PACRG: variants seen among roughly 807,000 people sequenced by gnomAD.
PACRG encodes parkin coregulated, also known as parkin coregulated gene protein.
Under a neutral mutation model 29.7 loss-of-function variants are expected in PACRG, and 29 were observed. The observed-to-expected ratio is 0.98, with a 90% CI of 0.73 to 1.33. PACRG has a LOEUF of 1.33. PACRG is among the 40% of genes most tolerant of loss of function. PACRG has a pLI of 0.00. For synonymous variants in PACRG, 116 were observed against 118.7 expected (o/e 0.98, Z 0.15); for missense variants, 279 against 316.2 (o/e 0.88, Z 0.89).
chr6:162,966,929 T>C (rs1295013646), intron 2 of PACRG, among the ~76,000 whole-genome samples: 2 of 152,180 alleles, frequency 1.3e-5, no homozygotes, highest in Non-Finnish European at 2.9e-5. Context: ...GAAATTTGTG[T>C]AATTACATCA....
intron 2 of PACRG, among the ~76,000 whole-genome samples, chr6:162,955,118 C>G (rs753652635): frequency 4.6e-5 from 7 of 151,902 alleles, no homozygotes; most frequent in African/African-American, 7.3e-5. Flanking sequence ...CTCACACTTA[C>G]AAGAAGGGAA....
chr6:162,804,048 CAT>C (rs1490761032), intron 1 of PACRG, among the ~76,000 whole-genome samples: 9 of 151,946 alleles, frequency 5.9e-5, no homozygotes, highest in African/African-American at 2.2e-4. Context: ...AACATCGAAA[CAT>C]ATTAAACTAA....
intron 2 of PACRG, among the ~76,000 whole-genome samples, chr6:162,825,565 C>T (rs1422044163): frequency 6.6e-6 from 1 of 152,118 alleles, no homozygotes; most frequent in East Asian, 1.9e-4. Flanking sequence ...ATATTTGTTT[C>T]TTAAAAAGAT....
chr6:163,051,060 A>G (rs1234965455), intron 2 of PACRG, among the ~76,000 whole-genome samples: 4 of 152,258 alleles, frequency 2.6e-5, no homozygotes, highest in African/African-American at 9.6e-5. Context: ...CTCTGCATTC[A>G]TCTTCCAGCT....
At chr6:163,260,368 C>CA (rs1314397815) in intron 4 of PACRG, among the ~76,000 whole-genome samples, 1 of 152,212 alleles carries the variant, frequency 6.6e-6, no homozygotes, top group African/African-American at 2.4e-5. Flanking sequence ...AGCCCATACA[C>CA]AAAGAACAAA....
At chr6:163,047,571 T>C (rs1400076751) in intron 2 of PACRG, among the ~76,000 whole-genome samples, 1 of 152,198 alleles carries the variant, frequency 6.6e-6, no homozygotes, top group African/African-American at 2.4e-5. Flanking sequence ...GTGCATAAAT[T>C]TGAGATCTGC....
rs78801094 is a variant in PACRG, at chr6:163,286,578, C to T, written c.614-28249C>T. Among the ~76,000 whole-genome samples, 452 of 152,236 alleles carry T rather than the reference C, an allele frequency of 3.0e-3. 4 individuals carry two copies. Among genetic ancestry groups the T allele is most frequent in the African/African-American group, 0.01 (429 of 41,554 alleles). ...TCAATAATATGATCATAATTTCTGC[C>T]ATAGAAAATGGCTTTGCTGTCAAAG... On this transcript the variant is annotated intron_variant, in intron 4 of 4. Coordinates refer to ENST00000366888, the MANE Select transcript of PACRG (RefSeq NM_001080379.2).
At chr6:162,810,076 T>C (rs532078538) in intron 1 of PACRG, among the ~76,000 whole-genome samples, 1 of 152,170 alleles carries the variant, frequency 6.6e-6, no homozygotes, top group South Asian at 2.1e-4. Context: ...GTGTGGACAA[T>C]GGGGGAGCAG....
chr6:163,066,095 A>G (rs1164313275), intron 3 of PACRG, among the ~76,000 whole-genome samples: 2 of 152,218 alleles, frequency 1.3e-5, no homozygotes, highest in Admixed American at 6.5e-5. Context: ...GCAGCAATCT[A>G]AAGAAAATCA....
At chr6:163,291,079 C>T (rs1377666351) in intron 4 of PACRG, among the ~76,000 whole-genome samples, 2 of 152,250 alleles carry the variant, frequency 1.3e-5, no homozygotes, top group African/African-American at 4.8e-5. Context: ...TGCCCAGCGG[C>T]CTCTCCCTGA....
chr6:162,882,624 T>TG (rs1793986837), intron 2 of PACRG, among the ~76,000 whole-genome samples: 1 of 152,194 alleles, frequency 6.6e-6, no homozygotes, highest in East Asian at 1.9e-4. Flanking sequence ...GTATGGACCC[T>TG]GAGGAGTAGG....
In PACRG at chr6:163,309,473, TTGTGTACCTAGGA is replaced by T. The variant is rs563022438; in HGVS notation, c.614-5353_614-5341del. 2.9e-3 allele frequency among the ~76,000 whole-genome samples: 442 copies of T among 152,342 alleles called. 2 individuals are homozygous for T. Among genetic ancestry groups the T allele is most frequent in the African/African-American group, 0.01 (429 of 41,586 alleles). On this transcript the variant is annotated intron_variant, in intron 4 of 4. Coordinates refer to ENST00000366888, the MANE Select transcript of PACRG (RefSeq NM_001080379.2). ...TACAGTCAGTTCTACAGTCTAGCTATTGTGTACCTAGGAAGTAACACAAACCATTGTTGTTACT... is the reference window on the plus strand; with the variant it reads ...TACAGTCAGTTCTACAGTCTAGCTATAGTAACACAAACCATTGTTGTTACT...
intron 4 of PACRG, among the ~76,000 whole-genome samples, chr6:163,245,760 T>C (rs780372245): frequency 2.0e-5 from 3 of 152,160 alleles, no homozygotes; most frequent in Non-Finnish European, 4.4e-5. Context: ...GTAGGCCTTT[T>C]AAACTGAAGG....
intron 4 of PACRG, among the ~76,000 whole-genome samples, chr6:163,197,229 G>A (rs1046740293): frequency 4.1e-4 from 63 of 152,056 alleles, no homozygotes; most frequent in African/African-American, 1.4e-3. Flanking sequence ...CTGGTTCTCC[G>A]TTAGTAGTAA....
At chr6:162,893,970 C>T (rs961331553) in intron 2 of PACRG, among the ~76,000 whole-genome samples, 5 of 152,272 alleles carry the variant, frequency 3.3e-5, no homozygotes, top group Admixed American at 6.5e-5. Flanking sequence ...TACCTTGGGA[C>T]GTAAAGAAAT....
At chr6:162,830,426 C>T (rs1022962598) in intron 2 of PACRG, among the ~76,000 whole-genome samples, 4 of 152,210 alleles carry the variant, frequency 2.6e-5, no homozygotes, top group Non-Finnish European at 4.4e-5. Flanking sequence ...CGCTGGCCTT[C>T]ATCAGGAATG....
intron 4 of PACRG, among the ~76,000 whole-genome samples, chr6:163,178,709 T>C (rs1779506842): frequency 6.6e-6 from 1 of 152,178 alleles, no homozygotes; most frequent in African/African-American, 2.4e-5. Flanking sequence ...ATGAAACTGC[T>C]AGGAGAAGCT....
intron 4 of PACRG, among the ~76,000 whole-genome samples, chr6:163,274,961 C>A (rs1783976039): frequency 6.8e-6 from 1 of 147,832 alleles, no homozygotes; most frequent in African/African-American, 2.5e-5. Flanking sequence ...TTCCCAAGTT[C>A]AAGCAATTCT....
At chr6:162,983,490 A>G (rs1416735739) in intron 2 of PACRG, among the ~76,000 whole-genome samples, 2 of 151,910 alleles carry the variant, frequency 1.3e-5, no homozygotes, top group Non-Finnish European at 2.9e-5. Context: ...ACCATTTCTT[A>G]TAATGCTGGA....
Sources: gnomAD v4.1 joint callset for allele counts (sites outside exome capture counted in the v4.1 genomes callset) on GRCh38, gnomAD v4.1.1 for gene constraint, MANE v1.5 for transcripts, NCBI Gene and HGNC (gene_info 2026-07-23, HGNC 2026-07-21) for gene names.